FCHSD2: variants seen among roughly 807,000 people sequenced by gnomAD.
FCHSD2 encodes the protein F-BAR and double SH3 domains protein 2.
In FCHSD2, 38 loss-of-function variants were observed where a neutral mutation model predicts 108.1. That is an observed-to-expected ratio of 0.35 (90% confidence interval 0.27 to 0.46). The LOEUF is 0.46. Among genes scored for constraint, FCHSD2 ranks in the 20% least tolerant of loss-of-function variants. FCHSD2 has a pLI of 1.00. For missense variants in FCHSD2, 751 were observed against 897.8 expected, an observed-to-expected ratio of 0.84 and a Z score of 2.09; for synonymous variants, 279 against 314.7, an observed-to-expected ratio of 0.89 and a Z score of 1.20.
chr11:72,892,224 T>G (rs2135255081), intron 10 of FCHSD2, among the ~76,000 whole-genome samples: 1 of 152,348 alleles, frequency 6.6e-6, no homozygotes, highest in Non-Finnish European at 1.5e-5. Flanking sequence ...TTATACCTTC[T>G]TATTGAGTAT....
chr11:73,073,103 A>G (rs1212168206), intron 3 of FCHSD2, among the ~76,000 whole-genome samples: 1 of 152,208 alleles, frequency 6.6e-6, no homozygotes, highest in East Asian at 1.9e-4. Flanking sequence ...GTACTTTAAT[A>G]CACAGCACTT....
intron 3 of FCHSD2, among the ~76,000 whole-genome samples, chr11:73,067,171 C>A (rs971867318): frequency 3.3e-5 from 5 of 152,158 alleles, no homozygotes; most frequent in African/African-American, 9.7e-5. Flanking sequence ...AGGATGAGTT[C>A]ATGTCCTTTG....
chr11:72,961,017 T>C (rs1856809171), intron 8 of FCHSD2, among the ~76,000 whole-genome samples: 1 of 152,190 alleles, frequency 6.6e-6, no homozygotes, highest in East Asian at 1.9e-4. Context: ...AATGGTGACC[T>C]AGGAATGGGG....
At chr11:73,026,918 T>C (rs1348628985) in intron 3 of FCHSD2, among the ~76,000 whole-genome samples, 1 of 152,152 alleles carries the variant, frequency 6.6e-6, no homozygotes, top group Non-Finnish European at 1.5e-5. Context: ...TACCATGATT[T>C]TAAGTTTCCT....
At chr11:72,883,583 C>T (rs1444813815) in intron 12 of FCHSD2, among the ~76,000 whole-genome samples, 1 of 152,128 alleles carries the variant, frequency 6.6e-6, no homozygotes, top group Non-Finnish European at 1.5e-5. Flanking sequence ...TAGCCAAATG[C>T]AATTCAAAAC....
intron 10 of FCHSD2, among the ~76,000 whole-genome samples, chr11:72,901,814 C>T (rs1349839272): frequency 1.3e-5 from 2 of 152,008 alleles, no homozygotes. Flanking sequence ...ATAAGACCAA[C>T]CAAAATATTT....
At chr11:73,062,465 A>G (rs1859190837) in intron 3 of FCHSD2, among the ~76,000 whole-genome samples, 1 of 152,254 alleles carries the variant, frequency 6.6e-6, no homozygotes, top group African/African-American at 2.4e-5. Flanking sequence ...AATAGGCTTC[A>G]GAAGGTGGGT....
At chr11:73,077,818 T>A (rs79339967) in intron 3 of FCHSD2, 2 of 263,232 alleles carry the variant, frequency 7.6e-6, no homozygotes, top group Non-Finnish European at 1.5e-5. Flanking sequence ...GTGTTCATTA[T>A]CTTGCTTGTG....
intron 8 of FCHSD2, among the ~76,000 whole-genome samples, chr11:72,946,148 A>G (rs1227893257): frequency 6.6e-6 from 1 of 152,138 alleles, no homozygotes; most frequent in Non-Finnish European, 1.5e-5. Context: ...AACCAACCCA[A>G]ATGTCCAACA....
At chr11:72,966,411 C>T (rs1320939342) in intron 8 of FCHSD2, among the ~76,000 whole-genome samples, 4 of 152,116 alleles carry the variant, frequency 2.6e-5, no homozygotes, top group East Asian at 1.9e-4. Context: ...CCTCCTGCTT[C>T]GGCTTCCCAA....
intron 7 of FCHSD2, among the ~76,000 whole-genome samples, chr11:72,984,685 T>C (rs1243941477): frequency 6.6e-6 from 1 of 152,178 alleles, no homozygotes; most frequent in Non-Finnish European, 1.5e-5. Context: ...GTGTGAAGTT[T>C]CCGAAGGAAA....
intron 2 of FCHSD2, among the ~76,000 whole-genome samples, chr11:73,097,970 C>T (rs191499485): frequency 1.5e-3 from 221 of 152,252 alleles, no homozygotes; most frequent in Non-Finnish European, 2.3e-3. Context: ...CCATGGTGCC[C>T]AGCTCTTCTT....
chr11:72,868,641 A>C (rs1854783312), intron 12 of FCHSD2, among the ~76,000 whole-genome samples: 1 of 152,096 alleles, frequency 6.6e-6, no homozygotes, highest in African/African-American at 2.4e-5. Context: ...CAGTGAGGGG[A>C]GATCGCACCA....
chr11:72,964,099 T>C (rs977960271), intron 8 of FCHSD2, among the ~76,000 whole-genome samples: 4 of 152,180 alleles, frequency 2.6e-5, no homozygotes, highest in South Asian at 2.1e-4. Flanking sequence ...ATGGATAATA[T>C]AGTTAATATT....
intron 8 of FCHSD2, chr11:72,940,807 G>A (rs1591418598): frequency 2.4e-6 from 2 of 850,840 alleles, no homozygotes; most frequent in East Asian, 2.4e-5. Context: ...CGTTGCAGAG[G>A]AGTGAGCTGG....
At chr11:73,035,201 T>C (rs574868104) in intron 3 of FCHSD2, among the ~76,000 whole-genome samples, 119 of 86,308 alleles carry the variant, frequency 1.4e-3, no homozygotes, top group Middle Eastern at 6.8e-3. Flanking sequence ...TATGTATGTA[T>C]GTACGTACTA....
At chr11:73,035,716 A>ATTTATTTATTTATTTG in intron 3 of FCHSD2, among the ~76,000 whole-genome samples, 1 of 150,234 alleles carries the variant, frequency 6.7e-6, no homozygotes, top group Non-Finnish European at 1.5e-5. Flanking sequence ...TTATTTATTT[A>ATTTATTTATTTATTTG]TTTATTTATT....
intron 3 of FCHSD2, among the ~76,000 whole-genome samples, chr11:73,078,336 C>T (rs997577489): frequency 1.4e-4 from 22 of 152,138 alleles, no homozygotes; most frequent in African/African-American, 5.3e-4. Flanking sequence ...GTTCTACCCC[C>T]AGACATATAC....
chr11:73,010,179 C>T (rs1272180338), intron 4 of FCHSD2, among the ~76,000 whole-genome samples: 1 of 152,130 alleles, frequency 6.6e-6, no homozygotes, highest in African/African-American at 2.4e-5. Context: ...TTGATCTAGT[C>T]TATTGTTGAA....
Sources: gnomAD v4.1 joint callset for allele counts (sites outside exome capture counted in the v4.1 genomes callset) on GRCh38, gnomAD v4.1.1 for gene constraint, MANE v1.5 for transcripts, NCBI Gene and HGNC (gene_info 2026-07-23, HGNC 2026-07-21) for gene names.